The following SLC24A2 variants were observed in gnomAD, a reference collection of about 807,000 sequenced individuals.
The protein encoded by SLC24A2 is solute carrier family 24 member 2.
In SLC24A2, 36 loss-of-function variants were observed where a neutral mutation model predicts 62.0. The observed-to-expected ratio is 0.58, with a 90% CI of 0.44 to 0.77. SLC24A2 has a LOEUF of 0.77. SLC24A2 is among the 30% of genes least tolerant of loss of function. SLC24A2 has a pLI of 0.00. For missense variants in SLC24A2, 846 were observed against 817.9 expected, an observed-to-expected ratio of 1.03 and a Z score of -0.42; for synonymous variants, 358 against 294.0, an observed-to-expected ratio of 1.22 and a Z score of -2.23.
At chr9:20,190,875 A>T in the SLC24A2 span, among the ~76,000 whole-genome samples, 1 of 152,236 alleles carries the variant, frequency 6.6e-6, no homozygotes, top group Non-Finnish European at 1.5e-5. Flanking sequence ...GGATTAATGA[A>T]GATTAGATAA....
chr9:20,001,527 G>C, the SLC24A2 span, among the ~76,000 whole-genome samples: 26 of 152,088 alleles, frequency 1.7e-4, no homozygotes, highest in African/African-American at 6.3e-4. Flanking sequence ...TGCCTTTTTT[G>C]GGTAAATCAC....
At chr9:20,083,317 C>T in the SLC24A2 span, among the ~76,000 whole-genome samples, 9 of 152,308 alleles carry the variant, frequency 5.9e-5, no homozygotes, top group African/African-American at 1.9e-4. Context: ...AGCAGTTGCG[C>T]TGCACCTTAC....
chr9:19,851,277 G>A, the SLC24A2 span, among the ~76,000 whole-genome samples: 26 of 151,070 alleles, frequency 1.7e-4, no homozygotes, highest in Non-Finnish European at 2.5e-4. Flanking sequence ...CACCTGCCTC[G>A]GCCTTCTAAA....
chr9:19,549,907 T>G (rs1206039195), intron 8 of SLC24A2, among the ~76,000 whole-genome samples: 1 of 152,244 alleles, frequency 6.6e-6, no homozygotes, highest in African/African-American at 2.4e-5. Flanking sequence ...TCAGTGTGAT[T>G]GTGTGTCTGC....
chr9:19,752,501 G>A (rs945531918), intron 2 of SLC24A2, among the ~76,000 whole-genome samples: 3 of 152,154 alleles, frequency 2.0e-5, no homozygotes, highest in African/African-American at 7.2e-5. Flanking sequence ...ATTTAACACA[G>A]ACCATGCAGT....
At chr9:19,761,313 T>C (rs972990444) in intron 2 of SLC24A2, among the ~76,000 whole-genome samples, 8 of 152,104 alleles carry the variant, frequency 5.3e-5, no homozygotes, top group African/African-American at 1.9e-4. Context: ...ACATCCTCTC[T>C]AGCATCTGTT....
the SLC24A2 span, among the ~76,000 whole-genome samples, chr9:19,837,294 T>C: frequency 6.7e-6 from 1 of 148,730 alleles, no homozygotes; most frequent in Non-Finnish European, 1.5e-5. Flanking sequence ...CTACTAAAAA[T>C]ACAAAAAATT....
chr9:19,525,127 C>T (rs896334529), intron 9 of SLC24A2, among the ~76,000 whole-genome samples: 1 of 152,076 alleles, frequency 6.6e-6, no homozygotes, highest in Non-Finnish European at 1.5e-5. Flanking sequence ...CTCCAAGGCA[C>T]AGAGAACTTG....
chr9:20,084,900 G>A, the SLC24A2 span, among the ~76,000 whole-genome samples: 1 of 152,180 alleles, frequency 6.6e-6, no homozygotes, highest in Admixed American at 6.6e-5. Flanking sequence ...ACAGTTGAGG[G>A]TTTTGAGAGC....
intron 4 of SLC24A2, among the ~76,000 whole-genome samples, chr9:19,603,785 ACACCTCT>A (rs1265645914): frequency 1.1e-4 from 16 of 152,176 alleles, no homozygotes. Context: ...TGAAACTATA[ACACCTCT>A]CAATCCTGCA....
chr9:20,287,141 T>A, the SLC24A2 span, among the ~76,000 whole-genome samples: 1 of 151,948 alleles, frequency 6.6e-6, no homozygotes, highest in Non-Finnish European at 1.5e-5. Flanking sequence ...CAAACCTGTA[T>A]AAATAAGCAC....
chr9:20,198,033 G>A, the SLC24A2 span, among the ~76,000 whole-genome samples: 5 of 152,150 alleles, frequency 3.3e-5, no homozygotes, highest in African/African-American at 1.2e-4. Context: ...CAGAGTAAAA[G>A]GTGGTTACAA....
chr9:19,573,847 A>C (rs896007382), intron 6 of SLC24A2, among the ~76,000 whole-genome samples: 1 of 152,188 alleles, frequency 6.6e-6, no homozygotes, highest in African/African-American at 2.4e-5. Context: ...TACTCAGGAA[A>C]CATGAACATA....
chr9:19,928,954 G>C, the SLC24A2 span: 10 of 152,156 alleles, frequency 6.6e-5, no homozygotes, highest in African/African-American at 2.4e-4. Flanking sequence ...GTCTCCCTCT[G>C]ACCACACTGA....
chr9:20,030,018 T>A, the SLC24A2 span, among the ~76,000 whole-genome samples: 2 of 152,240 alleles, frequency 1.3e-5, no homozygotes, highest in African/African-American at 4.8e-5. Flanking sequence ...ACATTGGAGG[T>A]GAACTTTGAT....
intron 2 of SLC24A2, among the ~76,000 whole-genome samples, chr9:19,749,356 T>C (rs1482279448): frequency 6.6e-6 from 1 of 152,142 alleles, no homozygotes; most frequent in Admixed American, 6.6e-5. Context: ...GTCCATTTTT[T>C]AAAAAGGTAT....
the SLC24A2 span, among the ~76,000 whole-genome samples, chr9:19,933,900 G>A: frequency 6.6e-6 from 1 of 152,172 alleles, no homozygotes; most frequent in Non-Finnish European, 1.5e-5. Flanking sequence ...CCATTTATGT[G>A]AGATTCCCCA....
At chr9:19,988,990 T>C in the SLC24A2 span, among the ~76,000 whole-genome samples, 1 of 152,212 alleles carries the variant, frequency 6.6e-6, no homozygotes, top group African/African-American at 2.4e-5. Context: ...GAAGTGTCAT[T>C]TATCCAGCAG....
At chr9:19,585,071 C>T (rs1264938494) in intron 5 of SLC24A2, among the ~76,000 whole-genome samples, 4 of 152,058 alleles carry the variant, frequency 2.6e-5, no homozygotes, top group Non-Finnish European at 4.4e-5. Context: ...GGTGACCAAA[C>T]CCATTATACA....
Sources: gnomAD v4.1 joint callset for allele counts (sites outside exome capture counted in the v4.1 genomes callset) on GRCh38, gnomAD v4.1.1 for gene constraint, MANE v1.5 for transcripts, NCBI Gene and HGNC (gene_info 2026-07-23, HGNC 2026-07-21) for gene names.